The following FECH variants were observed in gnomAD, a reference collection of about 807,000 sequenced individuals.
The protein encoded by FECH is ferrochelatase, mitochondrial.
FECH carries 40 observed loss-of-function variants against 56.9 expected under a neutral mutation model. That is an observed-to-expected ratio of 0.70 (90% CI 0.55 to 0.92). FECH has a LOEUF of 0.92. Ranked by LOEUF, FECH falls within the 40% of genes least tolerant of loss-of-function variation. FECH has a pLI of 0.00. For missense variants in FECH, 431 were observed against 529.1 expected, an observed-to-expected ratio of 0.81 and a Z score of 1.82; for synonymous variants, 175 against 198.6, an observed-to-expected ratio of 0.88 and a Z score of 1.00.
At chr18:57,560,556 C>T (rs146295323) in intron 6 of FECH, among the ~76,000 whole-genome samples, 82 of 152,260 alleles carry the variant, frequency 5.4e-4, no homozygotes, top group East Asian at 3.1e-3. Flanking sequence ...CAGGCTGAGG[C>T]GGGAGGATCA....
At chr18:57,573,386 C>G in intron 2 of FECH, 21 bp from the exon 3 acceptor site, 2 of 1,613,580 alleles carry the variant, frequency 1.2e-6, no homozygotes, top group South Asian at 1.1e-5. Context: ...TAAAATACAA[C>G]GGTTGATTTG....
intron 1 of FECH, among the ~76,000 whole-genome samples, chr18:57,582,108 T>A (rs760440206): frequency 3.3e-5 from 5 of 152,146 alleles, no homozygotes; most frequent in African/African-American, 4.8e-5. Flanking sequence ...AGGTTCCTAA[T>A]CATGCTGCAA....
chr18:57,552,886 A>G (rs1375065823), intron 9 of FECH, among the ~76,000 whole-genome samples: 1 of 152,226 alleles, frequency 6.6e-6, no homozygotes, highest in Non-Finnish European at 1.5e-5. Context: ...TGGGAGAGTC[A>G]GCGATACACT....
intron 1 of FECH, among the ~76,000 whole-genome samples, chr18:57,584,325 CAAAA>C (rs11383428): frequency 1.0e-5 from 1 of 99,884 alleles, no homozygotes; most frequent in Non-Finnish European, 1.9e-5. Flanking sequence ...GACTCGGTCT[CAAAA>C]AAAAAAAAAA....
chr18:57,570,817 A>C (rs2051094912), intron 4 of FECH, among the ~76,000 whole-genome samples: 1 of 152,172 alleles, frequency 6.6e-6, no homozygotes, highest in South Asian at 2.1e-4. Flanking sequence ...CATTCTGCAC[A>C]CTATTATTCT....
intron 3 of FECH, 79 bp from the exon 4 acceptor site, chr18:57,571,619 G>GA (rs1236153908): frequency 2.5e-6 from 4 of 1,604,948 alleles, no homozygotes; most frequent in Non-Finnish European, 3.4e-6. Context: ...CAATAAAAAA[G>GA]AAAAAAAGCA....
intron 1 of FECH, among the ~76,000 whole-genome samples, chr18:57,584,255 A>G (rs1180712199): frequency 6.8e-6 from 1 of 146,674 alleles, no homozygotes; most frequent in African/African-American, 2.5e-5. Flanking sequence ...TACTTGGAAG[A>G]CTGAGGCAGG....
chr18:57,545,538 C>T lies in FECH; in HGVS notation c.*5174G>A, dbSNP rs1358099364. Among the ~76,000 whole-genome samples, 1 of 152,172 alleles carries T rather than the reference C, an allele frequency of 6.6e-6. No individual in the cohort carries two copies. Among genetic ancestry groups the T allele is most frequent in the Non-Finnish European group, 1.5e-5 (1 of 68,022 alleles). On this transcript the variant is annotated 3_prime_UTR_variant, in exon 11 of 11. Transcript: ENST00000262093. Reference sequence around the variant, plus strand: ...GTGTTCTCTAGAGGCAACCACCTCCCAGAACTACTCTTTGGCAAGATGCAT... The same window carrying T: ...GTGTTCTCTAGAGGCAACCACCTCCTAGAACTACTCTTTGGCAAGATGCAT...
At chr18:57,567,690 A>G (rs191288976) in intron 4 of FECH, among the ~76,000 whole-genome samples, 185 of 152,368 alleles carry the variant, frequency 1.2e-3, no homozygotes, top group African/African-American at 4.0e-3. Context: ...GTTAAAGTGA[A>G]GGAAAAGACG....
At chr18:57,584,444 G>A (rs943208258) in intron 1 of FECH, among the ~76,000 whole-genome samples, 1 of 151,430 alleles carries the variant, frequency 6.6e-6, no homozygotes, top group African/African-American at 2.4e-5. Context: ...ATGACTTCAT[G>A]TTGTTGCAAA....
chr18:57,582,100 G>A (rs2051288402), intron 1 of FECH, among the ~76,000 whole-genome samples: 1 of 152,086 alleles, frequency 6.6e-6, no homozygotes, highest in South Asian at 2.1e-4. Flanking sequence ...ATTTAACCAG[G>A]TTCCTAATCA....
At chr18:57,581,205 A>T (rs1406806944) in intron 1 of FECH, among the ~76,000 whole-genome samples, 1 of 152,194 alleles carries the variant, frequency 6.6e-6, no homozygotes, top group Non-Finnish European at 1.5e-5. Flanking sequence ...GGAGGACAGA[A>T]CATATTTCCC....
Position 57,559,013 on chromosome 18 carries a change from G to C in FECH, c.804+132C>G, listed in dbSNP as rs1005693796. 1.8e-4 allele frequency: 129 copies of C among 711,338 alleles called. 1 individual carries two copies. Among genetic ancestry groups the C allele is most frequent in the South Asian group, 1.2e-3 (83 of 68,116 alleles). 44.1% of individuals were successfully genotyped at this position (711,338 alleles called of 1,614,324 possible). A position where few individuals can be genotyped will look rare whatever the true frequency, so the allele number is the denominator to read the frequency against. ...AAGAAGTGAGGCTAGTTAGCACCAA[G>C]TCTGAGATTTGAGAATTCATTCTTG... On this transcript the variant is annotated intron_variant, in intron 7 of 10. Transcript: ENST00000262093.
intron 1 of FECH, among the ~76,000 whole-genome samples, chr18:57,584,265 G>A (rs1453842795): frequency 6.8e-6 from 1 of 147,896 alleles, no homozygotes; most frequent in African/African-American, 2.5e-5. Context: ...ACTGAGGCAG[G>A]AGGCTCACTT....
intron 4 of FECH, 113 bp downstream of exon 4, chr18:57,571,279 C>A: frequency 8.8e-7 from 1 of 1,133,466 alleles, no homozygotes; most frequent in Non-Finnish European, 1.3e-6. Flanking sequence ...GTAGAAACAC[C>A]ACAAATTGAG....
At chr18:57,563,713 T>C (rs62092523) in intron 5 of FECH, among the ~76,000 whole-genome samples, 13,621 of 152,032 alleles carry the variant, frequency 0.09, 775 homozygotes, top group African/African-American at 0.16. Flanking sequence ...GCATGCTAAT[T>C]ACAGTCATTG....
chr18:57,578,466 G>A (rs2051216402), intron 2 of FECH, among the ~76,000 whole-genome samples: 1 of 152,182 alleles, frequency 6.6e-6, no homozygotes, highest in Admixed American at 6.5e-5. Context: ...GAAGCCAAGA[G>A]TTCAAAACCA....
chr18:57,553,047 C>T (rs183871240), intron 9 of FECH, among the ~76,000 whole-genome samples: 1 of 152,004 alleles, frequency 6.6e-6, no homozygotes, highest in Non-Finnish European at 1.5e-5. Context: ...GTTGACAGAG[C>T]CAGATTTCAT....
chr18:57,582,711 A>T (rs1416106454), intron 1 of FECH, among the ~76,000 whole-genome samples: 1 of 151,486 alleles, frequency 6.6e-6, no homozygotes, highest in Non-Finnish European at 1.5e-5. Context: ...CAGGAGATCA[A>T]GACCATCCTG....
Sources: allele counts gnomAD v4.1 joint callset (sites outside exome capture counted in the v4.1 genomes callset), GRCh38; gene constraint gnomAD v4.1.1; transcripts MANE v1.5; gene names NCBI Gene and HGNC (gene_info 2026-07-23, HGNC 2026-07-21).